Variants in STK35 observed in about 807,000 individuals in gnomAD.
STK35 encodes the protein serine/threonine kinase 35.
STK35 carries 17 observed loss-of-function variants against 37.3 expected under a neutral mutation model. That is an observed-to-expected ratio of 0.46 (90% CI 0.31 to 0.68). The LOEUF (loss-of-function observed/expected upper bound fraction) is 0.68, where lower values mean the gene tolerates loss of function less well. Ranked by LOEUF, STK35 falls within the 30% of genes least tolerant of loss-of-function variation. STK35 has a pLI of 0.05. For missense variants in STK35, 595 were observed against 746.7 expected (o/e 0.80, Z 2.37); for synonymous variants, 385 against 319.1 (o/e 1.21, Z -2.20).
intron 3 of STK35, among the ~76,000 whole-genome samples, chr20:2,136,989 C>A (rs1370914128): frequency 6.6e-6 from 1 of 152,156 alleles, no homozygotes; most frequent in East Asian, 1.9e-4. Flanking sequence ...GTTGGGGTAG[C>A]CAGATCAGCA....
chr20:2,110,796 G>T (rs1241475218), intron 2 of STK35, among the ~76,000 whole-genome samples: 1 of 152,186 alleles, frequency 6.6e-6, no homozygotes, highest in African/African-American at 2.4e-5. Context: ...ATTAAACTCT[G>T]GGGGGCACGC....
chr20:2,120,459 A>G (rs1015310004), intron 3 of STK35, among the ~76,000 whole-genome samples: 4 of 152,132 alleles, frequency 2.6e-5, no homozygotes, highest in Non-Finnish European at 5.9e-5. Context: ...ACCATAGCCT[A>G]TCCTCCCCTG....
Position 2,116,754 on chromosome 20 carries a change from C to T in STK35, c.981C>T (p.Val327=), listed in dbSNP as rs1405790446. 6.2e-7 allele frequency: 1 copy of T among 1,614,064 alleles called. No individual in the cohort carries two copies. The change falls in exon 3 of 4, where the codon GTC becomes GTT. Residue 327 remains valine, a synonymous_variant. Transcript: ENST00000381482. Reference sequence around the variant, plus strand: ...AAGGTGGAGACCTGAATCAGTATGTCCTGTCCCGGAGGCCAGACCCAGCCA... The same window carrying T: ...AAGGTGGAGACCTGAATCAGTATGTTCTGTCCCGGAGGCCAGACCCAGCCA... ...FCEGGDLNQY[V]LSRRPDPATN...
chr20:2,143,509 A>G (rs1177920310), intron 3 of STK35, among the ~76,000 whole-genome samples: 1 of 152,216 alleles, frequency 6.6e-6, no homozygotes, highest in Non-Finnish European at 1.5e-5. Context: ...TTGGTTTGAC[A>G]GCTAGAGCCA....
chr20:2,141,030 G>A (rs987116923), intron 3 of STK35, among the ~76,000 whole-genome samples: 16 of 152,210 alleles, frequency 1.1e-4, no homozygotes, highest in Admixed American at 2.6e-4. Flanking sequence ...TGGTCCCAAA[G>A]ATTATTTTAG....
chr20:2,113,786 A>G (rs557984305), intron 2 of STK35, among the ~76,000 whole-genome samples: 2 of 152,316 alleles, frequency 1.3e-5, no homozygotes, highest in Non-Finnish European at 1.5e-5. Flanking sequence ...TGCCAAATGT[A>G]GTTCCTATCT....
At chr20:2,108,680 C>G (rs950467968) in intron 2 of STK35, among the ~76,000 whole-genome samples, 2 of 152,174 alleles carry the variant, frequency 1.3e-5, no homozygotes, top group Non-Finnish European at 2.9e-5. Flanking sequence ...AGACTTCTTG[C>G]TCCTGACCGA....
At chr20:2,115,383 C>T (rs1018965523) in intron 2 of STK35, among the ~76,000 whole-genome samples, 5 of 152,210 alleles carry the variant, frequency 3.3e-5, no homozygotes, top group African/African-American at 1.2e-4. Context: ...GAAGTGCAGT[C>T]ATTTTTGGTA....
intron 2 of STK35, among the ~76,000 whole-genome samples, chr20:2,111,348 A>G (rs1985614409): frequency 6.6e-6 from 1 of 152,176 alleles, no homozygotes; most frequent in Non-Finnish European, 1.5e-5. Flanking sequence ...GCTTACTTAA[A>G]TGGTATGCCT....
chr20:2,112,492 C>T (rs530580778), intron 2 of STK35, among the ~76,000 whole-genome samples: 5 of 152,268 alleles, frequency 3.3e-5, no homozygotes, highest in African/African-American at 1.2e-4. Context: ...GGCAGGCCTG[C>T]CTCTCTTGGA....
At chr20:2,104,367 A>G (rs1985473510) in intron 2 of STK35, among the ~76,000 whole-genome samples, 1 of 152,224 alleles carries the variant, frequency 6.6e-6, no homozygotes, top group African/African-American at 2.4e-5. Flanking sequence ...TTTTTAGGTA[A>G]TAACTTCAAA....
chr20:2,146,720 A>G lies in STK35; in HGVS notation c.*2974A>G, dbSNP rs190931243. The G allele has an allele frequency of 7.7e-4, 117 of 152,696 alleles. 1 individual carries two copies. Among genetic ancestry groups the G allele is most frequent in the African/African-American group, 2.8e-3 (115 of 41,520 alleles). The allele number at this position is 152,696 out of a possible 1,614,324, so 9.5% of individuals were successfully genotyped here. A position where few individuals can be genotyped will look rare whatever the true frequency, so the allele number is the denominator to read the frequency against. ...GGGGGAGGGATCACCCTCACCCCCAACACCCTCTTCCTGAGGGCTGTAGCC... is the reference window on the plus strand; with the variant it reads ...GGGGGAGGGATCACCCTCACCCCCAGCACCCTCTTCCTGAGGGCTGTAGCC... On this transcript the variant is annotated 3_prime_UTR_variant, in exon 4 of 4. Coordinates refer to ENST00000381482, the MANE Select transcript of STK35 (RefSeq NM_080836.4).
chr20:2,139,298 G>A (rs1986135815), intron 3 of STK35, among the ~76,000 whole-genome samples: 1 of 152,178 alleles, frequency 6.6e-6, no homozygotes, highest in Non-Finnish European at 1.5e-5. Flanking sequence ...ACACCTGCCT[G>A]ACTGGCAGAG....
chr20:2,103,412 T>C, intron 2 of STK35, 47 bp downstream of exon 2: 1 of 1,561,528 alleles, frequency 6.4e-7, no homozygotes, highest in Non-Finnish European at 8.7e-7. Flanking sequence ...CTGGACCCCC[T>C]GCTCTCCGGA....
chr20:2,106,238 A>G (rs1463358353), intron 2 of STK35, among the ~76,000 whole-genome samples: 1 of 152,200 alleles, frequency 6.6e-6, no homozygotes, highest in African/African-American at 2.4e-5. Flanking sequence ...CCACCCAGTA[A>G]TGTTAAAGCT....
chr20:2,102,770 C>T lies in STK35; in HGVS notation c.297C>T (p.Val99=). Residue 99 remains valine (V), a splice_region_variant and synonymous_variant, in exon 2 of 4, where the codon GTC becomes GTT. Transcript: ENST00000381482. The part of the protein sequence containing the change: ...AARKWRCAGQ[V]TIQGPAPPRP... ...TTAACCGATTCTTTCGCCCGCAGGT[C>T]ACAATCCAAGGTCCGGCTCCTCCGC... is the stretch of plus-strand genomic sequence containing the variant. 1.4e-6 allele frequency: 2 copies of T among 1,442,608 alleles called. No individual in the cohort carries two copies. The highest frequency in any genetic ancestry group is 1.8e-4 in the Middle Eastern group (1 of 5,518). 89.4% of individuals were successfully genotyped at this position (1,442,608 alleles called of 1,614,324 possible).
intron 3 of STK35, among the ~76,000 whole-genome samples, chr20:2,130,264 G>A (rs1034110167): frequency 2.0e-5 from 3 of 152,144 alleles, no homozygotes; most frequent in South Asian, 2.1e-4. Context: ...GAGGACTGTT[G>A]GATCTCAGTT....
intron 3 of STK35, among the ~76,000 whole-genome samples, chr20:2,130,684 C>T (rs919779696): frequency 1.2e-4 from 19 of 152,200 alleles, no homozygotes; most frequent in Non-Finnish European, 2.6e-4. Flanking sequence ...TTGGGAAATA[C>T]TTTCTATTTT....
intron 3 of STK35, among the ~76,000 whole-genome samples, chr20:2,128,569 A>T (rs1426641446): frequency 6.6e-6 from 1 of 152,094 alleles, no homozygotes; most frequent in East Asian, 1.9e-4. Flanking sequence ...GGATAGGGTG[A>T]AGCCCTGTGG....
Sources: gnomAD v4.1 joint callset for allele counts (sites outside exome capture counted in the v4.1 genomes callset) on GRCh38, gnomAD v4.1.1 for gene constraint, MANE v1.5 for transcripts, NCBI Gene and HGNC (gene_info 2026-07-23, HGNC 2026-07-21) for gene names.